The following RBM6 variants were observed in gnomAD, a reference collection of about 807,000 sequenced individuals.
The protein encoded by RBM6 is RNA-binding protein 6.
RBM6 carries 23 observed loss-of-function variants against 140.4 expected under a neutral mutation model. The ratio of observed to expected loss-of-function variants is 0.16; its 90% CI spans 0.12 to 0.23. The LOEUF is 0.23. Among genes scored for constraint, RBM6 ranks in the 10% least tolerant of loss-of-function variants. The pLI, the probability that RBM6 is intolerant of heterozygous loss-of-function variation, is 1.00. For synonymous variants in RBM6, 439 were observed against 475.6 expected (o/e 0.92, Z 1.00); for missense variants, 1,139 against 1,386.7 (o/e 0.82, Z 2.84).
chr3:49,993,599 G>A (rs998740611), intron 5 of RBM6, among the ~76,000 whole-genome samples: 1 of 151,760 alleles, frequency 6.6e-6, no homozygotes, highest in Admixed American at 6.6e-5. Flanking sequence ...CCGAGATTGC[G>A]CCACTGCACT....
At chr3:49,974,107 T>C (rs11130229) in intron 4 of RBM6, among the ~76,000 whole-genome samples, 72,403 of 151,416 alleles carry the variant, frequency 0.48, 17,980 homozygotes, top group African/African-American at 0.53. Context: ...CCGTGTTAGC[T>C]AGGATGGTCT....
chr3:50,046,955 T>C (rs1001819364), intron 6 of RBM6, among the ~76,000 whole-genome samples: 1 of 152,218 alleles, frequency 6.6e-6, no homozygotes, highest in African/African-American at 2.4e-5. Context: ...TAAGATAATG[T>C]ACTTCGTGGT....
intron 5 of RBM6, among the ~76,000 whole-genome samples, chr3:49,988,492 A>G (rs1008314751): frequency 6.6e-6 from 1 of 151,952 alleles, no homozygotes; most frequent in African/African-American, 2.4e-5. Flanking sequence ...TTTGGCCTGG[A>G]AAGAGAAAAA....
intron 6 of RBM6, among the ~76,000 whole-genome samples, chr3:50,019,817 G>T (rs1214708070): frequency 4.0e-5 from 6 of 151,876 alleles, no homozygotes; most frequent in Non-Finnish European, 7.4e-5. Flanking sequence ...TTTAAATCAT[G>T]AAAGGGGATT....
chr3:50,039,482 AC>A (rs10546220), intron 6 of RBM6, among the ~76,000 whole-genome samples: 12,110 of 113,796 alleles, frequency 0.11, 681 homozygotes, highest in Non-Finnish European at 0.15. Flanking sequence ...CAGGTGATCC[AC>A]CCCCCCCCCC....
At chr3:49,947,276 G>C (rs1476042478) in intron 1 of RBM6, among the ~76,000 whole-genome samples, 3 of 31,898 alleles carry the variant, frequency 9.4e-5, no homozygotes, top group Non-Finnish European at 2.2e-4. Context: ...GGGGGGGGGG[G>C]GTTTTGAGCT....
At chr3:49,950,686 C>T (rs984023785) in intron 1 of RBM6, among the ~76,000 whole-genome samples, 5 of 150,716 alleles carry the variant, frequency 3.3e-5, no homozygotes, top group Admixed American at 2.7e-4. Flanking sequence ...ATCCGGGAGA[C>T]GGAGGTTGCA....
intron 6 of RBM6, among the ~76,000 whole-genome samples, chr3:50,015,516 C>T (rs1325289659): frequency 9.2e-5 from 14 of 151,450 alleles, no homozygotes; most frequent in Admixed American, 5.9e-4. Context: ...CTGCAAGCTC[C>T]GCCTCCTGGG....
chr3:50,064,046 G>A (rs2108929690), intron 15 of RBM6, among the ~76,000 whole-genome samples: 1 of 150,768 alleles, frequency 6.6e-6, no homozygotes, highest in East Asian at 2.0e-4. Context: ...GGATTCTCCT[G>A]CCTCAGCCTC....
chr3:49,979,439 T>G lies in RBM6; in HGVS notation c.1483+4047T>G, dbSNP rs61451443. On this transcript the variant is annotated intron_variant, in intron 5 of 20. Coordinates refer to ENST00000266022, the MANE Select transcript of RBM6 (RefSeq NM_005777.3). ...ATTTGATGTGTATTTGCTTACTTTG[T>G]TTTTTTTTTTTTTTTTTGAGATGAA... 6.8e-3 allele frequency among the ~76,000 whole-genome samples: 876 copies of G among 128,238 alleles called. 9 individuals carry two copies. The highest frequency in any genetic ancestry group is 0.03 in the African/African-American group (825 of 27,810). 84.1% of individuals were successfully genotyped at this position (128,238 alleles called of 152,430 possible).
chr3:50,031,274 C>T (rs1451807123), intron 6 of RBM6, among the ~76,000 whole-genome samples: 2 of 152,174 alleles, frequency 1.3e-5, no homozygotes, highest in Non-Finnish European at 2.9e-5. Context: ...TATAAAGACA[C>T]ATGCACATGT....
chr3:49,996,791 T>G (rs554206905), intron 5 of RBM6, among the ~76,000 whole-genome samples: 9 of 152,214 alleles, frequency 5.9e-5, no homozygotes, highest in Admixed American at 2.6e-4. Context: ...TAACTAGGCT[T>G]CTAGAGTTTA....
intron 5 of RBM6, among the ~76,000 whole-genome samples, chr3:49,980,575 C>G (rs1166007141): frequency 1.3e-5 from 2 of 151,468 alleles, no homozygotes; most frequent in African/African-American, 4.8e-5. Context: ...GCCTGGCCAA[C>G]ATGGCGAACG....
intron 6 of RBM6, among the ~76,000 whole-genome samples, chr3:50,042,250 A>G (rs2088962095): frequency 6.6e-6 from 1 of 152,254 alleles, no homozygotes; most frequent in Admixed American, 6.5e-5. Flanking sequence ...CAAAGCTCAT[A>G]TACTTTTTCC....
chr3:50,048,039 C>T (rs959983788), intron 6 of RBM6, among the ~76,000 whole-genome samples: 2 of 152,212 alleles, frequency 1.3e-5, no homozygotes, highest in Admixed American at 1.3e-4. Flanking sequence ...TTCACCTTCT[C>T]GTACTCCCCT....
chr3:50,008,797 C>T (rs145177419), intron 6 of RBM6, among the ~76,000 whole-genome samples: 36 of 152,238 alleles, frequency 2.4e-4, no homozygotes, highest in African/African-American at 8.7e-4. Flanking sequence ...GTGATCCACC[C>T]ACCTTGGCCT....
At chr3:49,980,384 G>A (rs1308578572) in intron 5 of RBM6, among the ~76,000 whole-genome samples, 1 of 152,066 alleles carries the variant, frequency 6.6e-6, no homozygotes, top group African/African-American at 2.4e-5. Flanking sequence ...TTTCTCTCAT[G>A]GTTTCGAAAA....
intron 5 of RBM6, among the ~76,000 whole-genome samples, chr3:49,983,435 G>A (rs2085401502): frequency 6.6e-6 from 1 of 151,216 alleles, no homozygotes; most frequent in Non-Finnish European, 1.5e-5. Flanking sequence ...GGGCAATATA[G>A]TGAGACTCTG....
At chr3:49,958,723 C>T (rs1032539294) in intron 1 of RBM6, among the ~76,000 whole-genome samples, 3 of 151,422 alleles carry the variant, frequency 2.0e-5, no homozygotes, top group Non-Finnish European at 4.4e-5. Flanking sequence ...TGCATTCCAG[C>T]CTTGGCAACA....
Sources: allele counts gnomAD v4.1 joint callset (sites outside exome capture counted in the v4.1 genomes callset), GRCh38; gene constraint gnomAD v4.1.1; transcripts MANE v1.5; gene names NCBI Gene and HGNC (gene_info 2026-07-23, HGNC 2026-07-21).